FTCDNL1: variants seen among roughly 807,000 people sequenced by gnomAD.
FTCDNL1 encodes formiminotransferase cyclodeaminase N-terminal like.
FTCDNL1 carries 11 observed loss-of-function variants against 5.9 expected under a neutral mutation model. The ratio of observed to expected loss-of-function variants is 1.87; its 90% CI spans 1.18 to 3.10. The LOEUF (loss-of-function observed/expected upper bound fraction) is 3.10, where lower values mean the gene tolerates loss of function less well. Ranked by LOEUF, FTCDNL1 falls within the 30% of genes most tolerant of loss-of-function variation. The pLI, the probability that FTCDNL1 is intolerant of heterozygous loss-of-function variation, is 0.00. For synonymous variants in FTCDNL1, 58 were observed against 24.8 expected (o/e 2.34, Z -3.99); for missense variants, 115 against 65.5 (o/e 1.76, Z -2.61).
intron 3 of FTCDNL1, among the ~76,000 whole-genome samples, chr2:199,845,563 T>A (rs1035626807): frequency 6.6e-6 from 1 of 151,720 alleles, no homozygotes; most frequent in Non-Finnish European, 1.5e-5. Context: ...GGAGTGAGAC[T>A]CTTATCTCGA....
At chr2:199,741,209 G>A in the FTCDNL1 span, among the ~76,000 whole-genome samples, 1 of 152,160 alleles carries the variant, frequency 6.6e-6, no homozygotes, top group East Asian at 1.9e-4. Context: ...CCAGGAGTTC[G>A]ACGCTGCCGT....
At chr2:199,776,615 T>G (rs1245250502) in intron 3 of FTCDNL1, among the ~76,000 whole-genome samples, 2 of 152,166 alleles carry the variant, frequency 1.3e-5, no homozygotes, top group Non-Finnish European at 2.9e-5. Context: ...CTAAGTCAAC[T>G]GTGCAAGGGA....
rs1700977805 is a variant in FTCDNL1 at position 199,810,554 on chromosome 2, C to T, written c.*2151G>A. Among the ~76,000 whole-genome samples the T allele has an allele frequency of 6.6e-6, 1 of 152,220 alleles. No individual in the cohort carries two copies. Among genetic ancestry groups the T allele is most frequent in the Non-Finnish European group, 1.5e-5 (1 of 68,044 alleles). ...TGAGATGGCCATTGACACTCTAGAG[C>T]CCTGTTACTCTAGAGCTCAGGGGCA... is the stretch of plus-strand genomic sequence containing the variant. On this transcript the variant is annotated 3_prime_UTR_variant, in exon 5 of 5. Coordinates refer to ENST00000420128, the MANE Select transcript of FTCDNL1 (RefSeq NM_001363886.2).
chr2:199,767,850 C>G (rs1523814), intron 3 of FTCDNL1, among the ~76,000 whole-genome samples: 3,517 of 152,258 alleles, frequency 0.023, 222 homozygotes, highest in Admixed American at 0.14. Context: ...CACCCAGTCT[C>G]AAGTATTTTG....
At chr2:199,835,315 C>CT (rs1380219203) in intron 3 of FTCDNL1, among the ~76,000 whole-genome samples, 1 of 152,154 alleles carries the variant, frequency 6.6e-6, no homozygotes, top group Non-Finnish European at 1.5e-5. Flanking sequence ...CAATTAGTAT[C>CT]TCAAAATATT....
chr2:199,674,827 G>T, the FTCDNL1 span, among the ~76,000 whole-genome samples: 3 of 152,160 alleles, frequency 2.0e-5, no homozygotes, highest in Non-Finnish European at 4.4e-5. Flanking sequence ...TAGTAGGGAG[G>T]TATTATGGAA....
chr2:199,732,425 T>C, the FTCDNL1 span, among the ~76,000 whole-genome samples: 1 of 152,210 alleles, frequency 6.6e-6, no homozygotes, highest in Non-Finnish European at 1.5e-5. Context: ...TACTAAATTC[T>C]AGAAAAGACA....
chr2:199,749,801 A>G, the FTCDNL1 span, among the ~76,000 whole-genome samples: 3 of 152,156 alleles, frequency 2.0e-5, no homozygotes, highest in African/African-American at 7.2e-5. Flanking sequence ...ACTAGGTTCT[A>G]CTGTCTCTGA....
the FTCDNL1 span, among the ~76,000 whole-genome samples, chr2:199,735,814 C>T: frequency 6.6e-6 from 1 of 152,260 alleles, no homozygotes; most frequent in East Asian, 1.9e-4. Flanking sequence ...TGACACCAGG[C>T]AACAAGGCAC....
chr2:199,818,591 C>A (rs1701493415), intron 4 of FTCDNL1: 1 of 151,860 alleles, frequency 6.6e-6, no homozygotes, highest in Admixed American at 6.6e-5. Context: ...GGCCCCAAAA[C>A]CTGTGCTTTT....
chr2:199,719,257 T>C, the FTCDNL1 span, among the ~76,000 whole-genome samples: 1 of 152,184 alleles, frequency 6.6e-6, no homozygotes, highest in African/African-American at 2.4e-5. Flanking sequence ...CTTCTGCATA[T>C]GGCAATCCAA....
chr2:199,763,303 C>T (rs976214073), intron 3 of FTCDNL1, among the ~76,000 whole-genome samples: 1 of 152,184 alleles, frequency 6.6e-6, no homozygotes, highest in South Asian at 2.1e-4. Context: ...GTCCTCTCCC[C>T]CAGCGTGACT....
chr2:199,786,476 T>C (rs144828301), intron 3 of FTCDNL1, among the ~76,000 whole-genome samples: 215 of 152,202 alleles, frequency 1.4e-3, no homozygotes, highest in African/African-American at 4.9e-3. Flanking sequence ...CCTTTGAACT[T>C]GATCGAATTC....
chr2:199,703,212 C>A, the FTCDNL1 span, among the ~76,000 whole-genome samples: 1 of 151,886 alleles, frequency 6.6e-6, no homozygotes, highest in African/African-American at 2.4e-5. Context: ...CCCCTGCCCC[C>A]ACCCCACAAC....
intron 3 of FTCDNL1, among the ~76,000 whole-genome samples, chr2:199,838,209 G>C (rs1362482045): frequency 1.3e-5 from 2 of 152,172 alleles, no homozygotes; most frequent in African/African-American, 4.8e-5. Context: ...ATAGAAACTT[G>C]ATAGAAGTAC....
chr2:199,723,105 T>C, the FTCDNL1 span, among the ~76,000 whole-genome samples: 1 of 152,048 alleles, frequency 6.6e-6, no homozygotes, highest in South Asian at 2.1e-4. Context: ...TCTGATACTC[T>C]CCCTCCCCCT....
downstream of FTCDNL1, among the ~76,000 whole-genome samples, chr2:199,808,387 T>G (rs1671328253): frequency 6.6e-6 from 1 of 152,230 alleles, no homozygotes. Context: ...TTGTTCTTTT[T>G]TAATTATAAA....
the FTCDNL1 span, among the ~76,000 whole-genome samples, chr2:199,672,319 AT>A: frequency 6.6e-6 from 1 of 152,214 alleles, no homozygotes; most frequent in Non-Finnish European, 1.5e-5. Flanking sequence ...ACACAAAAAA[AT>A]GGGAATAAAA....
chr2:199,796,747 T>C (rs1700192050), intron 3 of FTCDNL1, among the ~76,000 whole-genome samples: 1 of 152,146 alleles, frequency 6.6e-6, no homozygotes, highest in Non-Finnish European at 1.5e-5. Context: ...AGTGGTTTCC[T>C]TTTGTTAAGT....
Sources: allele counts gnomAD v4.1 joint callset (sites outside exome capture counted in the v4.1 genomes callset), GRCh38; gene constraint gnomAD v4.1.1; transcripts MANE v1.5; gene names NCBI Gene and HGNC (gene_info 2026-07-23, HGNC 2026-07-21).